Variants in RYR1 observed in about 807,000 individuals in gnomAD.
RYR1 encodes the protein ryanodine receptor 1.
Under a neutral mutation model 583.5 loss-of-function variants are expected in RYR1, and 342 were observed. The observed-to-expected ratio is 0.59, with a 90% CI of 0.54 to 0.64. The LOEUF (loss-of-function observed/expected upper bound fraction) is 0.64, where lower values mean the gene tolerates loss of function less well. Ranked by LOEUF, RYR1 falls within the 30% of genes least tolerant of loss-of-function variation. The pLI, the probability that RYR1 is intolerant of heterozygous loss-of-function variation, is 0.00. For synonymous variants in RYR1, 2,791 were observed against 2,822.5 expected, an observed-to-expected ratio of 0.99 and a Z score of 0.35; for missense variants, 6,032 against 6,917.2, an observed-to-expected ratio of 0.87 and a Z score of 4.54.
At chr19:38,460,666 G>C (rs906517233) in intron 20 of RYR1, 75 bp downstream of exon 20, 7 of 1,352,308 alleles carry the variant, frequency 5.2e-6, no homozygotes, top group Middle Eastern at 2.5e-4. Flanking sequence ...GGGTGCCATC[G>C]TTCATGCCTG....
In RYR1 at chr19:38,494,852, C is replaced by CTTTTTTTTTTTTTTTTTTTTT. The variant is rs780267024; in HGVS notation, c.6548+227_6548+228insTTTTTTTTTTTTTTTTTTTTT. Among the ~76,000 whole-genome samples, 2 of 142,114 alleles carry CTTTTTTTTTTTTTTTTTTTTT rather than the reference C, an allele frequency of 1.4e-5. 1 individual carries two copies. The highest frequency in any genetic ancestry group is 5.7e-5 in the African/African-American group (2 of 35,322). 93.2% of individuals were successfully genotyped at this position (142,114 alleles called of 152,430 possible). A position where few individuals can be genotyped will look rare whatever the true frequency, so the allele number is the denominator to read the frequency against. On this transcript the variant is annotated intron_variant, in intron 39 of 105. Transcript: ENST00000359596. ...CTCAGCAGGACATTCCCCACCCCCCCCTTTTTTTTTTTTTTTGTGAGACTG... is the reference window on the plus strand; with the variant it reads ...CTCAGCAGGACATTCCCCACCCCCCCTTTTTTTTTTTTTTTTTTTTTCTTTTTTTTTTTTTTTGTGAGACTG...
chr19:38,483,073 C>T lies in RYR1; in HGVS notation c.4667C>T (p.Thr1556Ile). The change falls in exon 32 of 106, where the codon ACC becomes ATC. Residue 1556 changes from threonine to isoleucine, a missense_variant. Physicochemically the swap from Thr to Ile is moderately conservative, Grantham distance 89. Coordinates refer to ENST00000359596, the MANE Select transcript of RYR1 (RefSeq NM_000540.3). This position sits in a 1 kb window ranked among gnomAD's most constrained non-coding sequence, Gnocchi z 6.3. ...KLFPAVFVLP[T>I]HQNVIQFELG... ...TTTCCTGCCGTCTTCGTCCTGCCCA[C>T]CCACCAGAACGTCATCCAGTTTGAG... The T allele has an allele frequency of 6.2e-7, 1 of 1,614,176 alleles. No homozygotes were observed. The highest frequency in any genetic ancestry group is 8.5e-7 in the Non-Finnish European group (1 of 1,180,024).
chr19:38,543,492 C>T lies in RYR1; in HGVS notation c.11779-40C>T, dbSNP rs1295082250. 4.3e-6 allele frequency: 7 copies of T among 1,614,010 alleles called. No individual in the cohort carries two copies. Among genetic ancestry groups the T allele is most frequent in the South Asian group, 1.1e-5 (1 of 91,038 alleles). The stretch of plus-strand genomic sequence containing the variant: ...GGGTCGGGGGCTGCAGGGCCATGGT[C>T]GGCCCCAGCACCCCCTCACACCCTA... On this transcript the variant is annotated intron_variant, in intron 85 of 105. Coordinates refer to ENST00000359596, the MANE Select transcript of RYR1 (RefSeq NM_000540.3). This position sits in a 1 kb window ranked among gnomAD's most constrained non-coding sequence, Gnocchi z 4.4.
Position 38,528,589 on chromosome 19 carries a change from TC to T in RYR1, c.10938-6del. On this transcript the variant is annotated splice_polypyrimidine_tract_variant and intron_variant, in intron 74 of 105. Coordinates refer to ENST00000359596, the MANE Select transcript of RYR1 (RefSeq NM_000540.3). ...GCGCGTCCCAGTGACGTCACACCTCTCCCCTGCAGGCACCGGGCATGTAACA... is the reference window on the plus strand; with the variant it reads ...GCGCGTCCCAGTGACGTCACACCTCTCCCTGCAGGCACCGGGCATGTAACA... 5.6e-6 allele frequency: 9 copies of T among 1,613,878 alleles called. No homozygotes were observed. Among genetic ancestry groups the T allele is most frequent in the Non-Finnish European group, 7.6e-6 (9 of 1,179,860 alleles).
chr19:38,585,226 G>A, intron 102 of RYR1, 127 bp downstream of exon 102: 2 of 1,178,382 alleles, frequency 1.7e-6, no homozygotes, highest in Non-Finnish European at 2.4e-6. Context: ...TGAGACCTTG[G>A]GCAAGTCACC....
chr19:38,564,435 G>T (rs1973291381), intron 90 of RYR1, among the ~76,000 whole-genome samples: 1 of 152,168 alleles, frequency 6.6e-6, no homozygotes, highest in Non-Finnish European at 1.5e-5. Flanking sequence ...CGAGGCATGG[G>T]GATCATGTGA....
At chr19:38,448,884 AGTGAGCTG>A in intron 11 of RYR1, 71 bp downstream of exon 11, 1 of 1,434,332 alleles carries the variant, frequency 7.0e-7, no homozygotes, top group Admixed American at 1.9e-5. Context: ...TCAAGGCTGC[AGTGAGCTG>A]GTGATCATGC....
chr19:38,466,457 G>A (rs974718558), intron 24 of RYR1, 59 bp downstream of exon 24: 48 of 1,457,148 alleles, frequency 3.3e-5, no homozygotes, highest in East Asian at 7.4e-5. Flanking sequence ...CCCCAGCCCC[G>A]ATCCCTGATC....
At position 38,457,634 on chromosome 19, in the gene RYR1, T is replaced by C. The variant is rs760014764; in HGVS notation, c.1925+4T>C. ...ACCTCATCAACTATGTCACCAGGTC[T>C]GGCTCTCAACATCTGACCCCAGAAC... On this transcript the variant is annotated splice_donor_region_variant and intron_variant, in intron 17 of 105. Coordinates refer to ENST00000359596, the MANE Select transcript of RYR1 (RefSeq NM_000540.3). 1 of 1,614,170 alleles carries C rather than the reference T, an allele frequency of 6.2e-7. No homozygotes were observed. The highest frequency in any genetic ancestry group is 8.5e-7 in the Non-Finnish European group (1 of 1,179,998).
At chr19:38,558,559 A>T (rs1972978609) in intron 89 of RYR1, among the ~76,000 whole-genome samples, 1 of 152,186 alleles carries the variant, frequency 6.6e-6, no homozygotes, top group Non-Finnish European at 1.5e-5. Flanking sequence ...CGGGCAGATC[A>T]CTTGAGATCA....
intron 29 of RYR1, among the ~76,000 whole-genome samples, chr19:38,477,048 A>T (rs1385242619): frequency 6.6e-6 from 1 of 151,996 alleles, no homozygotes; most frequent in Non-Finnish European, 1.5e-5. Context: ...ATAAAAATAA[A>T]AAAATAAGGA....
At chr19:38,481,259 TG>T (rs1240561376) in intron 31 of RYR1, among the ~76,000 whole-genome samples, 1 of 152,140 alleles carries the variant, frequency 6.6e-6, no homozygotes, top group Non-Finnish European at 1.5e-5. Flanking sequence ...CCCAAGTGGC[TG>T]GGACCACAGA....
In RYR1 at chr19:38,485,835, G is replaced by T. The variant is rs774500412; in HGVS notation, c.5180G>T (p.Arg1727Leu). The change falls in exon 34 of 106, where the codon CGC becomes CTC. Residue 1727 changes from arginine to leucine, a missense_variant. Around this residue, in one of 11 missense-constraint regions of RYR1, gnomAD observed 2,627 missense variants for 2,961.3 expected, o/e 0.89. Coordinates refer to ENST00000359596, the MANE Select transcript of RYR1 (RefSeq NM_000540.3). ...IHLESACRSRRSMLSEYIVPL... is the reference protein window; with the variant it reads ...IHLESACRSRLSMLSEYIVPL... ...CTCGAAAGTGCCTGCCGCAGCCGCC[G>T]CTCCATGCTCTCTGAATACATCGTG... is the stretch of plus-strand genomic sequence containing the variant. 1 of 1,613,588 alleles carries T rather than the reference G, an allele frequency of 6.2e-7. No individual in the cohort carries two copies. Among genetic ancestry groups the T allele is most frequent in the African/African-American group, 1.3e-5 (1 of 75,026 alleles).
At position 38,490,152 on chromosome 19, in the gene RYR1, G is replaced by A. The variant is rs767487116; in HGVS notation, c.5891G>A (p.Arg1964His). The change falls in exon 36 of 106, where the codon CGC becomes CAC. Residue 1964 changes from arginine (R) to histidine (H), a missense_variant. Physicochemically the swap from Arg to His is conservative, Grantham distance 29. Around this residue, in one of 11 missense-constraint regions of RYR1, gnomAD observed 2,627 missense variants for 2,961.3 expected, o/e 0.89. Transcript: ENST00000359596. ...GAGTCCCTGGCAGCCTTTGCGGAGC[G>A]CTATGTGGACAAGCTCCAGGCCAAC... ...RVESLAAFAE[R>H]YVDKLQANQR... is the part of the protein sequence containing the mutation. 1.2e-5 allele frequency: 20 copies of A among 1,614,104 alleles called. No homozygotes were observed. The highest frequency in any genetic ancestry group is 8.3e-5 in the Admixed American group (5 of 60,008).
chr19:38,511,437 C>T (rs551470130), intron 60 of RYR1, 124 bp from the exon 61 acceptor site: 69 of 995,506 alleles, frequency 6.9e-5, no homozygotes, highest in African/African-American at 6.0e-4. Context: ...TTTGGACCCC[C>T]TCCTGGTTCC....
chr19:38,468,477 C>A (rs942005236), intron 25 of RYR1, among the ~76,000 whole-genome samples: 16 of 152,198 alleles, frequency 1.1e-4, no homozygotes, highest in Admixed American at 1.3e-4. Context: ...ACACTTTGTT[C>A]TTTCTCTGTA....
chr19:38,568,302 G>C (rs1973540841), intron 93 of RYR1, among the ~76,000 whole-genome samples: 2 of 152,146 alleles, frequency 1.3e-5, no homozygotes, highest in Non-Finnish European at 2.9e-5. Flanking sequence ...ACCACTCCCA[G>C]TGCTGCTGTG....
intron 65 of RYR1, among the ~76,000 whole-genome samples, chr19:38,516,817 C>T (rs1439138749): frequency 6.6e-6 from 1 of 152,256 alleles, no homozygotes; most frequent in Middle Eastern, 3.4e-3. Context: ...AGACAAAAAT[C>T]CCCTGAGTCC....
In RYR1 at chr19:38,527,659, C is replaced by T. The variant is rs1343873757; in HGVS notation, c.10699C>T (p.Pro3567Ser). ...TTCCTCCCTTCAGGTCGAAGGCTCC[C>T]CGTCTCTGCGCTGGCAGATGGCTCT... ...LHLQGKVEGS[P>S]SLRWQMALYR... Residue 3567 changes from proline (P) to serine (S), a missense_variant, in exon 73 of 106, where the codon CCG (proline) becomes TCG (serine). Coordinates refer to ENST00000359596, the MANE Select transcript of RYR1 (RefSeq NM_000540.3). The T allele has an allele frequency of 6.2e-7, 1 of 1,614,128 alleles. No homozygotes were observed. The highest frequency in any genetic ancestry group is 1.7e-5 in the Admixed American group (1 of 60,032).
Sources: gnomAD v4.1 joint callset for allele counts (sites outside exome capture counted in the v4.1 genomes callset) on GRCh38, gnomAD v4.1.1 for gene constraint, gnomAD v4.1.1 regional missense constraint, Gnocchi (gnomAD v3.1) non-coding constraint, MANE v1.5 for transcripts, NCBI Gene and HGNC (gene_info 2026-07-23, HGNC 2026-07-21) for gene names.